Variants in RORA observed in about 807,000 individuals in gnomAD.
RORA encodes nuclear receptor ROR-alpha.
Under a neutral mutation model 69.5 loss-of-function variants are expected in RORA, and 7 were observed. The observed-to-expected ratio is 0.10, with a 90% confidence interval of 0.06 to 0.19. The LOEUF is 0.19. RORA is among the 10% of genes least tolerant of loss of function. The probability of loss-of-function intolerance (pLI) is 1.00; values close to 1 mark genes in which losing one functional copy is unlikely to be tolerated. For missense variants in RORA, 457 were observed against 663.0 expected (o/e 0.69, Z 3.41); for synonymous variants, 261 against 240.8 (o/e 1.08, Z -0.78).
rs186945613 is a variant in RORA at position 60,851,945 on chromosome 15, C to T, written c.167-173259G>A. On this transcript the variant is annotated intron_variant, in intron 1 of 10. Coordinates refer to ENST00000335670, the MANE Select transcript of RORA (RefSeq NM_134261.3). ...CAGCTCCCTGAAGGGCAGGATTCCC[C>T]GGCCATGTTCCCCATCAAGTCTCCA... Among the ~76,000 whole-genome samples the T allele has an allele frequency of 7.8e-4, 119 of 152,244 alleles. 1 individual carries two copies. The South Asian group carries it at 0.013, about 16-fold the overall frequency.
At chr15:60,735,338 A>C (rs1426543970) in intron 1 of RORA, among the ~76,000 whole-genome samples, 1 of 152,222 alleles carries the variant, frequency 6.6e-6, no homozygotes, top group Non-Finnish European at 1.5e-5. Flanking sequence ...TTTTTATATA[A>C]TATTGCCAAA....
At chr15:61,060,751 G>T (rs2078172316) in intron 1 of RORA, among the ~76,000 whole-genome samples, 1 of 152,096 alleles carries the variant, frequency 6.6e-6, no homozygotes, top group Admixed American at 6.6e-5. Context: ...GAAAACAGGG[G>T]TGTCCAATCT....
In RORA at chr15:60,863,503, A is replaced by T. The variant is rs74472420; in HGVS notation, c.167-184817T>A. ...ACAGCACTCAAACACATTCTTATTTAAGCAAATCTGGCCTACGAAAAGCTG... is the reference window on the plus strand; with the variant it reads ...ACAGCACTCAAACACATTCTTATTTTAGCAAATCTGGCCTACGAAAAGCTG... On this transcript the variant is annotated intron_variant, in intron 1 of 10. Coordinates refer to ENST00000335670, the MANE Select transcript of RORA (RefSeq NM_134261.3). 5.5e-3 allele frequency among the ~76,000 whole-genome samples: 838 copies of T among 152,332 alleles called. 5 individuals carry two copies. Among genetic ancestry groups the T allele is most frequent in the Middle Eastern group, 0.014 (4 of 294 alleles).
intron 2 of RORA, among the ~76,000 whole-genome samples, chr15:60,623,239 C>T (rs1397264628): frequency 6.6e-6 from 1 of 152,194 alleles, no homozygotes; most frequent in African/African-American, 2.4e-5. Flanking sequence ...ATGTTGCTTG[C>T]CTCTCTGCAG....
At chr15:60,673,068 G>A (rs2070498687) in intron 2 of RORA, among the ~76,000 whole-genome samples, 1 of 152,100 alleles carries the variant, frequency 6.6e-6, no homozygotes, top group Non-Finnish European at 1.5e-5. Context: ...ATTTTAAAGA[G>A]CCAATCACCA....
At chr15:60,570,915 C>T (rs2067860878) in intron 2 of RORA, among the ~76,000 whole-genome samples, 1 of 152,186 alleles carries the variant, frequency 6.6e-6, no homozygotes, top group South Asian at 2.1e-4. Flanking sequence ...AGGTAACTCT[C>T]AGGCCTCTCT....
At chr15:60,609,929 G>A (rs1433045188) in intron 2 of RORA, among the ~76,000 whole-genome samples, 1 of 152,072 alleles carries the variant, frequency 6.6e-6, no homozygotes, top group Non-Finnish European at 1.5e-5. Flanking sequence ...AAGCAGGGAG[G>A]AAAACCATCA....
At chr15:60,652,645 C>T (rs538057651) in intron 2 of RORA, among the ~76,000 whole-genome samples, 6 of 152,240 alleles carry the variant, frequency 3.9e-5, no homozygotes, top group Non-Finnish European at 7.4e-5. Context: ...CATATTTTTT[C>T]ATTTTCATTT....
At chr15:60,982,459 G>C (rs761942798) in intron 1 of RORA, among the ~76,000 whole-genome samples, 1 of 152,154 alleles carries the variant, frequency 6.6e-6, no homozygotes, top group Non-Finnish European at 1.5e-5. Context: ...TTAGACAGTA[G>C]AGAAGAATGT....
At chr15:60,857,565 C>T in intron 1 of RORA, among the ~76,000 whole-genome samples, 1 of 152,096 alleles carries the variant, frequency 6.6e-6, no homozygotes. Context: ...CCCATACAAA[C>T]AGAGGAACTC....
chr15:60,765,869 A>AC (rs1170985581), intron 1 of RORA, among the ~76,000 whole-genome samples: 1 of 151,548 alleles, frequency 6.6e-6, no homozygotes, highest in Non-Finnish European at 1.5e-5. Context: ...CCCCCACCTA[A>AC]CCCCCCAATA....
Position 60,496,022 on chromosome 15 carries a change from C to CTT in RORA, c.*1431_*1432dup, listed in dbSNP as rs2065158932. The CTT allele has an allele frequency of 6.6e-6, 1 of 152,154 alleles. No individual in the cohort carries two copies. Among genetic ancestry groups the CTT allele is most frequent in the African/African-American group, 2.4e-5 (1 of 41,440 alleles). 9.4% of individuals were successfully genotyped at this position (152,154 alleles called of 1,614,324 possible). ...ATGTTTGCAGCTAGCATCAACTTCA[C>CTT]TTTAAAGGCTTAAAGTATTTAATAT... On this transcript the variant is annotated 3_prime_UTR_variant, in exon 11 of 11. Transcript: ENST00000335670. The surrounding 1 kb of genome is among the most constrained non-coding windows in gnomAD (Gnocchi z 4.5).
chr15:61,124,978 C>G (rs560338896), intron 1 of RORA, among the ~76,000 whole-genome samples: 1 of 152,168 alleles, frequency 6.6e-6, no homozygotes, highest in Non-Finnish European at 1.5e-5. Context: ...TCTTATTCCA[C>G]CCCTGCAAAA....
chr15:61,102,725 T>A (rs1180427591), intron 1 of RORA, among the ~76,000 whole-genome samples: 1 of 152,232 alleles, frequency 6.6e-6, no homozygotes, highest in Admixed American at 6.5e-5. Context: ...GGATGCCTCC[T>A]ACACTGAAGC....
rs188480687 is a variant in RORA at position 61,183,868 on chromosome 15, T to C, written c.166+45185A>G. ...TCAATAGTCTCATGTCCTCCTTTCATACCTCTCTTCCCAGCAATTTTGTCA... is the reference window on the plus strand; with the variant it reads ...TCAATAGTCTCATGTCCTCCTTTCACACCTCTCTTCCCAGCAATTTTGTCA... On this transcript the variant is annotated intron_variant, in intron 1 of 10. Transcript: ENST00000335670. Among the ~76,000 whole-genome samples, 251 of 152,282 alleles carry C rather than the reference T, an allele frequency of 1.6e-3. 2 individuals are homozygous for C. The highest frequency in any genetic ancestry group is 0.013 in the Admixed American group (198 of 15,298).
At chr15:61,040,621 C>A (rs1336521515) in intron 1 of RORA, among the ~76,000 whole-genome samples, 1 of 152,000 alleles carries the variant, frequency 6.6e-6, no homozygotes, top group Non-Finnish European at 1.5e-5. Context: ...ACCGTACACC[C>A]TATGAGGACA....
rs1411032706 is a variant in RORA, at chr15:60,827,159, A to AT, written c.167-148474_167-148473insA. On this transcript the variant is annotated intron_variant, in intron 1 of 10. Transcript: ENST00000335670. Reference sequence around the variant, plus strand: ...TCTATTACTGACTTGCTTAGTATCTACCTGAGGTCCCCTCCATTACAGCTA... The same window carrying AT: ...TCTATTACTGACTTGCTTAGTATCTATCCTGAGGTCCCCTCCATTACAGCTA... Among the ~76,000 whole-genome samples, 11 of 152,296 alleles carry AT rather than the reference A, an allele frequency of 7.2e-5. No individual in the cohort carries two copies. In the East Asian group the frequency reaches 2.1e-3, roughly 29 times the overall value.
At chr15:60,632,273 T>C (rs1484415023) in intron 2 of RORA, among the ~76,000 whole-genome samples, 1 of 151,978 alleles carries the variant, frequency 6.6e-6, no homozygotes, top group Non-Finnish European at 1.5e-5. Flanking sequence ...ACCCAGGTAA[T>C]TTTTTTCTAT....
chr15:60,973,873 G>A (rs1328764801), intron 1 of RORA, among the ~76,000 whole-genome samples: 2 of 152,246 alleles, frequency 1.3e-5, no homozygotes, highest in African/African-American at 2.4e-5. Flanking sequence ...CCATGGGGCT[G>A]CGGAGCCCCA....
Sources: allele counts gnomAD v4.1 joint callset (sites outside exome capture counted in the v4.1 genomes callset), GRCh38; gene constraint gnomAD v4.1.1; non-coding constraint Gnocchi (gnomAD v3.1); transcripts MANE v1.5; gene names NCBI Gene and HGNC (gene_info 2026-07-23, HGNC 2026-07-21).